Variants in HTR2C observed in about 807,000 individuals in gnomAD.
HTR2C encodes the protein 5-hydroxytryptamine (serotonin) receptor 2C, G protein-coupled.
HTR2C carries 5 observed loss-of-function variants against 21.0 expected under a neutral mutation model. The observed-to-expected ratio is 0.24, with a 90% CI of 0.12 to 0.50. HTR2C has a LOEUF of 0.50. HTR2C is among the 20% of genes least tolerant of loss of function. The pLI is 0.98. For missense variants in HTR2C, 271 were observed against 371.2 expected (o/e 0.73, Z 2.22); for synonymous variants, 150 against 145.3 (o/e 1.03, Z -0.23).
chrX:114,904,890 CTTT>C (rs35923049), intron 5 of HTR2C, among the ~76,000 whole-genome samples: 33 of 100,192 alleles, frequency 3.3e-4, no homozygotes, highest in African/African-American at 9.0e-4. Flanking sequence ...TTCTTAACTG[CTTT>C]TTTTTTTTTT....
At chrX:114,757,695 A>G (rs1286835168) in intron 4 of HTR2C, among the ~76,000 whole-genome samples, 10 of 111,989 alleles carry the variant, frequency 8.9e-5, no homozygotes, top group Non-Finnish European at 1.9e-4. Flanking sequence ...AAAGTCACCA[A>G]TATGTAGGTA....
At chrX:114,724,120 A>G (rs1157433681) in intron 2 of HTR2C, among the ~76,000 whole-genome samples, 6 of 105,382 alleles carry the variant, frequency 5.7e-5, no homozygotes, top group Non-Finnish European at 1.2e-4. Context: ...GTGGGGTGTT[A>G]AAGTCCTCCA....
intron 2 of HTR2C, among the ~76,000 whole-genome samples, chrX:114,703,570 A>C (rs1181455001): frequency 8.9e-6 from 1 of 111,874 alleles, no homozygotes; most frequent in African/African-American, 3.2e-5. Context: ...AGTGAGTAGA[A>C]GGAAATTTAT....
At chrX:114,806,796 ATATATATACACCATATATATACTG>A (rs2070454833) in intron 4 of HTR2C, among the ~76,000 whole-genome samples, 1 of 98,787 alleles carries the variant, frequency 1.0e-5, no homozygotes, top group African/African-American at 3.7e-5. Flanking sequence ...TATATATACC[ATATATATACACCATATATATACTG>A]TATATATATA....
In HTR2C at chrX:114,775,722, A is replaced by C. The variant is rs372324467; in HGVS notation, c.349+44115A>C. 14 of 598,383 alleles carry C rather than the reference A, an allele frequency of 2.3e-5. No homozygotes were observed. The East Asian group carries it at 2.4e-4, about 10-fold the overall frequency. The allele number at this position is 598,383 out of a possible 1,213,427, so 49.3% of individuals were successfully genotyped here. A position where few individuals can be genotyped will look rare whatever the true frequency, so the allele number is the denominator to read the frequency against. ...CTCTTATTCAGTTCTTTTCTATTGAAGATGTCTTGGAGAAGCTTCTGAATC... is the reference window on the plus strand; with the variant it reads ...CTCTTATTCAGTTCTTTTCTATTGACGATGTCTTGGAGAAGCTTCTGAATC... On this transcript the variant is annotated intron_variant, in intron 4 of 5. Transcript: ENST00000276198.
At chrX:114,747,219 TGGAAG>T (rs2069714284) in intron 4 of HTR2C, among the ~76,000 whole-genome samples, 1 of 111,708 alleles carries the variant, frequency 9.0e-6, no homozygotes, top group African/African-American at 3.3e-5. Flanking sequence ...AAACTCAGAA[TGGAAG>T]GGAAGTTCCT....
At chrX:114,814,943 CTATAT>C (rs1556454005) in intron 4 of HTR2C, among the ~76,000 whole-genome samples, 1 of 99,240 alleles carries the variant, frequency 1.0e-5, no homozygotes, top group Non-Finnish European at 2.0e-5. Flanking sequence ...ATCATATATA[CTATAT>C]TATATATTAT....
intron 4 of HTR2C, among the ~76,000 whole-genome samples, chrX:114,836,171 C>T (rs1460173521): frequency 9.1e-6 from 1 of 109,498 alleles, no homozygotes; most frequent in South Asian, 4.1e-4. Context: ...TTGTCTGTGC[C>T]CTGCCCCCGG....
At chrX:114,823,920 G>T (rs782564332) in intron 4 of HTR2C, among the ~76,000 whole-genome samples, 1 of 111,709 alleles carries the variant, frequency 9.0e-6, no homozygotes, top group Non-Finnish European at 1.9e-5. Flanking sequence ...GAGGTAGAGA[G>T]AATCTAATTC....
intron 5 of HTR2C, among the ~76,000 whole-genome samples, chrX:114,905,357 G>T (rs782232290): frequency 3.3e-4 from 37 of 111,847 alleles, no homozygotes; most frequent in Non-Finnish European, 5.1e-4. Context: ...TTAAACATCC[G>T]TCAACATTCT....
At chrX:114,835,681 C>T (rs368915173) in intron 4 of HTR2C, among the ~76,000 whole-genome samples, 17 of 111,889 alleles carry the variant, frequency 1.5e-4, no homozygotes, top group Admixed American at 7.6e-4. Flanking sequence ...GTAATTTGAT[C>T]GTCTGAAGCC....
intron 2 of HTR2C, among the ~76,000 whole-genome samples, chrX:114,714,789 A>G (rs1556419566): frequency 9.0e-6 from 1 of 111,614 alleles, no homozygotes; most frequent in Non-Finnish European, 1.9e-5. Context: ...TCATGGATGA[A>G]AACAGTGAGG....
intron 5 of HTR2C, among the ~76,000 whole-genome samples, chrX:114,884,536 G>A (rs1356778946): frequency 9.1e-6 from 1 of 110,250 alleles, no homozygotes; most frequent in Admixed American, 9.7e-5. Context: ...ACAAATGGCC[G>A]GCACATATAA....
At chrX:114,723,123 T>C (rs1243445935) in intron 2 of HTR2C, among the ~76,000 whole-genome samples, 1,266 of 111,073 alleles carry the variant, frequency 0.011, 11 homozygotes, top group Non-Finnish European at 0.018. Context: ...TGGTAGAATT[T>C]GGCTGTGAAT....
At chrX:114,838,562 T>C (rs2070807314) in intron 4 of HTR2C, among the ~76,000 whole-genome samples, 1 of 112,178 alleles carries the variant, frequency 8.9e-6, no homozygotes, top group Admixed American at 9.4e-5. Flanking sequence ...TTATTATTGG[T>C]GGGGATACCT....
At chrX:114,805,278 C>T (rs1186687532) in intron 4 of HTR2C, among the ~76,000 whole-genome samples, 1 of 109,525 alleles carries the variant, frequency 9.1e-6, no homozygotes, top group South Asian at 3.9e-4. Context: ...ATCTGTTTCT[C>T]AGGCTGTAGA....
intron 4 of HTR2C, among the ~76,000 whole-genome samples, chrX:114,835,023 G>T (rs2147475235): frequency 1.1e-5 from 1 of 92,967 alleles, no homozygotes; most frequent in South Asian, 6.5e-4. Context: ...TAAGAATGTT[G>T]AATATTGGCC....
At chrX:114,851,913 C>T (rs890498984) in intron 5 of HTR2C, among the ~76,000 whole-genome samples, 5 of 111,126 alleles carry the variant, frequency 4.5e-5, no homozygotes, top group African/African-American at 9.8e-5. Flanking sequence ...TCCCAATTCA[C>T]GAACACAGGA....
intron 2 of HTR2C, among the ~76,000 whole-genome samples, chrX:114,657,486 T>A (rs1181843246): frequency 9.0e-6 from 1 of 111,077 alleles, no homozygotes; most frequent in Non-Finnish European, 1.9e-5. Flanking sequence ...CCCTGAAAAG[T>A]AAATATTTAT....
Sources: allele counts gnomAD v4.1 joint callset (sites outside exome capture counted in the v4.1 genomes callset), GRCh38; gene constraint gnomAD v4.1.1; transcripts MANE v1.5; gene names NCBI Gene and HGNC (gene_info 2026-07-23, HGNC 2026-07-21).